The following C8B variants were observed in gnomAD, a reference collection of about 807,000 sequenced individuals.
C8B encodes the protein complement component C8 beta chain.
A neutral mutation model predicts 64.6 loss-of-function variants in C8B; 67 were observed. The ratio of observed to expected loss-of-function variants is 1.04; its 90% confidence interval spans 0.85 to 1.27. C8B has a LOEUF of 1.27. Among genes scored for constraint, C8B ranks in the 50% most tolerant of loss-of-function variants. The pLI, the probability that C8B is intolerant of heterozygous loss-of-function variation, is 0.00. For missense variants in C8B, 790 were observed against 725.2 expected (o/e 1.09, Z -1.03); for synonymous variants, 284 against 257.7 (o/e 1.10, Z -0.98).
At chr1:56,942,766 T>C (rs553320268) in intron 8 of C8B, among the ~76,000 whole-genome samples, 1 of 151,900 alleles carries the variant, frequency 6.6e-6, no homozygotes, top group Non-Finnish European at 1.5e-5. Flanking sequence ...CTGAGCAGCA[T>C]TAAAAAGTAG....
intron 1 of C8B, chr1:56,963,983 AATTCAAATACCTGTCGTGTT>A: frequency 2.0e-6 from 2 of 985,362 alleles, no homozygotes; most frequent in Non-Finnish European, 1.2e-6. Flanking sequence ...TCGCAGATGG[AATTCAAATACCTGTCGTGTT>A]CAAGACAGCC....
chr1:56,936,605 T>A (rs945452422), intron 9 of C8B, among the ~76,000 whole-genome samples: 10 of 151,640 alleles, frequency 6.6e-5, no homozygotes, highest in African/African-American at 2.2e-4. Context: ...TCTTTTCTTT[T>A]TTTTTTTGAG....
chr1:56,955,889 C>T (rs551062862), intron 3 of C8B, among the ~76,000 whole-genome samples: 56 of 152,274 alleles, frequency 3.7e-4, no homozygotes, highest in African/African-American at 1.3e-3. Context: ...CTCATTTTTG[C>T]TGGAGATGGA....
In C8B at chr1:56,961,547, C is replaced by T. The variant is rs139597188; in HGVS notation, c.93-1371G>A. Among the ~76,000 whole-genome samples the T allele has an allele frequency of 1.2e-4, 19 of 152,210 alleles. No individual in the cohort carries two copies. The East Asian group carries it at 3.7e-3, about 29-fold the overall frequency. Reference sequence around the variant, plus strand: ...GTATATACGGGTTTTGTCCGTTGCCCCATGCTGCCTGGAAGGAAACAGGGC... The same window carrying T: ...GTATATACGGGTTTTGTCCGTTGCCTCATGCTGCCTGGAAGGAAACAGGGC... On this transcript the variant is annotated intron_variant, in intron 1 of 11. Coordinates refer to ENST00000371237, the MANE Select transcript of C8B (RefSeq NM_000066.4).
At chr1:56,940,789 T>C in intron 9 of C8B, 60 bp downstream of exon 9, 2 of 1,599,508 alleles carry the variant, frequency 1.3e-6, no homozygotes, top group Non-Finnish European at 1.7e-6. Flanking sequence ...TGGCTCATGG[T>C]AGGTCCTCAG....
chr1:56,953,189 G>A (rs1645051265), intron 4 of C8B, among the ~76,000 whole-genome samples: 1 of 152,120 alleles, frequency 6.6e-6, no homozygotes, highest in South Asian at 2.1e-4. Context: ...TTCCATTCTT[G>A]ACCATCTCTA....
At chr1:56,945,163 C>G (rs746093222) in intron 7 of C8B, among the ~76,000 whole-genome samples, 3 of 152,156 alleles carry the variant, frequency 2.0e-5, no homozygotes, top group Non-Finnish European at 4.4e-5. Context: ...TCTACCTCTT[C>G]CAAGATTCAT....
chr1:56,960,327 T>C, intron 1 of C8B, 151 bp from the exon 2 acceptor site: 1 of 678,794 alleles, frequency 1.5e-6, no homozygotes, highest in Non-Finnish European at 2.6e-6. Context: ...CTGGAATTAA[T>C]TAATTAATCC....
In C8B at chr1:56,943,764, A is replaced by G. The variant is rs758413018; in HGVS notation, c.1166T>C (p.Ile389Thr). 1.2e-6 allele frequency: 2 copies of G among 1,614,138 alleles called. No individual in the cohort carries two copies. The highest frequency in any genetic ancestry group is 1.7e-6 in the Non-Finnish European group (2 of 1,179,992). ...ACCCAGACTGACGTAGACCTCTTCA[A>G]TGGCACCACCAATTTTAAAATCATT... ...AKNDFKIGGA[I>T]EEVYVSLGVS... The change falls in exon 8 of 12, where the codon ATT becomes ACT. Residue 389 changes from isoleucine (I) to threonine (T), a missense_variant. Ile to Thr is a moderately conservative substitution (Grantham distance 89). Transcript: ENST00000371237.
chr1:56,957,052 C>T (rs1645114420), intron 2 of C8B, 142 bp from the exon 3 acceptor site: 1 of 847,332 alleles, frequency 1.2e-6, no homozygotes, highest in African/African-American at 1.7e-5. Context: ...CCCCCAGCCC[C>T]TTGTGCTCCC....
chr1:56,937,801 C>G (rs1157875520), intron 9 of C8B, among the ~76,000 whole-genome samples: 2 of 152,116 alleles, frequency 1.3e-5, no homozygotes, highest in Non-Finnish European at 2.9e-5. Flanking sequence ...AATCTAGCAA[C>G]TTTTTATGTG....
At chr1:56,947,952 A>AAAAC (rs3991683) in intron 6 of C8B, among the ~76,000 whole-genome samples, 71,810 of 125,194 alleles carry the variant, frequency 0.57, 17,723 homozygotes, top group South Asian at 0.67. Context: ...AAAACAAAAC[A>AAAAC]AAACAAACAA....
At position 56,943,797 on chromosome 1, in the gene C8B, C is replaced by A. The variant is rs1644901125; in HGVS notation, c.1133G>T (p.Cys378Phe). ...GDYTLNNVHA[C>F]AKNDFKIGGA... ...ACCAATTTTAAAATCATTTTTGGCA[C>A]AGGCATGGACGTTGTTAAGAGTATA... Residue 378 changes from cysteine to phenylalanine, a missense_variant, in exon 8 of 12, where the codon TGT (cysteine) becomes TTT (phenylalanine). Physicochemically the swap from Cys to Phe is radical, Grantham distance 205. Coordinates refer to ENST00000371237, the MANE Select transcript of C8B (RefSeq NM_000066.4). 6.2e-7 allele frequency: 1 copy of A among 1,613,954 alleles called. No homozygotes were observed. Among genetic ancestry groups the A allele is most frequent in the African/African-American group, 1.3e-5 (1 of 74,912 alleles).
Position 56,949,755 on chromosome 1 carries a change from A to T in C8B, c.667-3T>A, listed in dbSNP as rs779403865. On this transcript the variant is annotated splice_polypyrimidine_tract_variant and splice_region_variant and intron_variant, in intron 5 of 11. Transcript: ENST00000371237. The stretch of plus-strand genomic sequence containing the variant: ...ATGAATTCGTATTTGCCTTGGGTCT[A>T]AAGAAGAAAAAAGAAAGGGTTTTTT... The T allele has an allele frequency of 1.9e-6, 3 of 1,600,102 alleles. No homozygotes were observed. The highest frequency in any genetic ancestry group is 2.6e-6 in the Non-Finnish European group (3 of 1,169,548).
At chr1:56,942,964 C>T (rs189023811) in intron 8 of C8B, among the ~76,000 whole-genome samples, 393 of 151,718 alleles carry the variant, frequency 2.6e-3, no homozygotes, top group African/African-American at 8.8e-3. Flanking sequence ...AGCATGGTGG[C>T]ATGCACCGGT....
rs1644901125 is a variant in C8B, at chr1:56,943,797, C to T, written c.1133G>A (p.Cys378Tyr). ...GDYTLNNVHA[C>Y]AKNDFKIGGA... Reference sequence around the variant, plus strand: ...ACCAATTTTAAAATCATTTTTGGCACAGGCATGGACGTTGTTAAGAGTATA... The same window carrying T: ...ACCAATTTTAAAATCATTTTTGGCATAGGCATGGACGTTGTTAAGAGTATA... The change falls in exon 8 of 12, where the codon TGT becomes TAT. Residue 378 changes from cysteine (C) to tyrosine (Y), a missense_variant. By Grantham distance (194) the Cys-to-Tyr change is radical (BLOSUM62 -2). Coordinates refer to ENST00000371237, the MANE Select transcript of C8B (RefSeq NM_000066.4). 6.2e-7 allele frequency: 1 copy of T among 1,613,954 alleles called. No homozygotes were observed. The highest frequency in any genetic ancestry group is 8.5e-7 in the Non-Finnish European group (1 of 1,179,980).
At chr1:56,941,098 C>T in intron 8 of C8B, 86 bp from the exon 9 acceptor site, 2 of 1,397,888 alleles carry the variant, frequency 1.4e-6, no homozygotes, top group Non-Finnish European at 1.0e-6. Flanking sequence ...AATTTGGGTA[C>T]ACCATATTCA....
At position 56,940,832 on chromosome 1, in the gene C8B, A is replaced by G; in HGVS notation, c.1398+17T>C. 2 of 1,613,974 alleles carry G rather than the reference A, an allele frequency of 1.2e-6. No individual in the cohort carries two copies. Among genetic ancestry groups the G allele is most frequent in the South Asian group, 2.2e-5 (2 of 91,086 alleles). On this transcript the variant is annotated intron_variant, in intron 9 of 11. Coordinates refer to ENST00000371237, the MANE Select transcript of C8B (RefSeq NM_000066.4). ...TTTCTGGGTGGAGGAAAGGATGGGT[A>G]GAGCAGCGTTGTGTACCTTAACTTT...
intron 2 of C8B, 27 bp from the exon 3 acceptor site, chr1:56,956,937 C>A: frequency 6.2e-7 from 1 of 1,613,654 alleles, no homozygotes; most frequent in Non-Finnish European, 8.5e-7. Flanking sequence ...CCAGGTGAAC[C>A]AAGGGTAAAG....
Sources: allele counts gnomAD v4.1 joint callset (sites outside exome capture counted in the v4.1 genomes callset), GRCh38; gene constraint gnomAD v4.1.1; transcripts MANE v1.5; gene names NCBI Gene and HGNC (gene_info 2026-07-23, HGNC 2026-07-21).